Variants in CMC2 observed in about 807,000 individuals in gnomAD.
CMC2 encodes the protein COX assembly mitochondrial protein 2 homolog.
CMC2 carries 5 observed loss-of-function variants against 7.5 expected under a neutral mutation model. The observed-to-expected ratio is 0.66, with a 90% CI of 0.35 to 1.40. CMC2 has a LOEUF of 1.40. Among genes scored for constraint, CMC2 ranks in the 40% most tolerant of loss-of-function variants. The probability of loss-of-function intolerance (pLI) is 0.04; values close to 1 mark genes in which losing one functional copy is unlikely to be tolerated. For synonymous variants in CMC2, 37 were observed against 31.4 expected (o/e 1.18, Z -0.60); for missense variants, 115 against 92.3 (o/e 1.25, Z -1.01).
chr16:80,990,533 A>T (rs1414364147), intron 2 of CMC2, among the ~76,000 whole-genome samples: 1 of 152,116 alleles, frequency 6.6e-6, no homozygotes, highest in Non-Finnish European at 1.5e-5. Flanking sequence ...ACCTCTCAGA[A>T]CGTAATCAAT....
rs1911871667 is a variant in CMC2 at position 80,970,961 on chromosome 16, C to G, written c.*5132G>C. The G allele has an allele frequency of 1.3e-5, 2 of 151,994 alleles. No homozygotes were observed. Among genetic ancestry groups the G allele is most frequent in the African/African-American group, 4.8e-5 (2 of 41,386 alleles). 9.4% of individuals were successfully genotyped at this position (151,994 alleles called of 1,614,324 possible). On this transcript the variant is annotated 3_prime_UTR_variant, in exon 4 of 4. Coordinates refer to ENST00000219400, the MANE Select transcript of CMC2 (RefSeq NM_020188.5). ...TTTCCAGCCTGGACATGGTGAAACC[C>G]TATCTCTACTAAAAAATACAAAAAT...
chr16:80,988,266 T>C (rs1032191526), intron 2 of CMC2, among the ~76,000 whole-genome samples: 1 of 152,186 alleles, frequency 6.6e-6, no homozygotes, highest in African/African-American at 2.4e-5. Flanking sequence ...GGTGGTGGTG[T>C]TGCTGTTGAG....
intron 3 of CMC2, chr16:80,978,349 A>C (rs1421578203): frequency 7.9e-7 from 1 of 1,266,622 alleles, no homozygotes. Context: ...ATAAGTTACA[A>C]AGCAAATTAA....
intron 1 of CMC2, among the ~76,000 whole-genome samples, chr16:81,000,923 T>C (rs1359605052): frequency 6.6e-6 from 1 of 152,168 alleles, no homozygotes; most frequent in Non-Finnish European, 1.5e-5. Context: ...CTATTCACAA[T>C]AGCAAAGATA....
chr16:80,997,433 T>G lies in CMC2; in HGVS notation c.-35-4A>C. 2 of 1,490,496 alleles carry G rather than the reference T, an allele frequency of 1.3e-6. No homozygotes were observed. The highest frequency in any genetic ancestry group is 1.9e-6 in the Non-Finnish European group (2 of 1,068,094). 92.3% of individuals were successfully genotyped at this position (1,490,496 alleles called of 1,614,324 possible). A position where few individuals can be genotyped will look rare whatever the true frequency, so the allele number is the denominator to read the frequency against. On this transcript the variant is annotated splice_polypyrimidine_tract_variant and splice_region_variant and intron_variant, in intron 1 of 3. Transcript: ENST00000219400. ...GGATGGATCACAGCAGTGCAACCTGTGGATACAAGAGTGTCTTGAATATGC... is the reference window on the plus strand; with the variant it reads ...GGATGGATCACAGCAGTGCAACCTGGGGATACAAGAGTGTCTTGAATATGC...
Position 80,991,836 on chromosome 16 carries a change from C to T in CMC2, c.81+5478G>A, listed in dbSNP as rs1968017904. On this transcript the variant is annotated intron_variant, in intron 2 of 3. Transcript: ENST00000219400. ...CAAATTCAAACAGAGGAGCATTCTA[C>T]CAAATACCTGGCCATTATGCCTCAA... The T allele has an allele frequency of 7.1e-6, 3 of 425,044 alleles. No homozygotes were observed. In the Admixed American group the frequency reaches 8.0e-5, roughly 11 times the overall value. 26.3% of individuals were successfully genotyped at this position (425,044 alleles called of 1,614,324 possible).
chr16:80,998,522 C>T (rs972019161), intron 1 of CMC2: 1 of 152,140 alleles, frequency 6.6e-6, no homozygotes, highest in Non-Finnish European at 1.5e-5. Context: ...AATTCCACTT[C>T]CGGCTATATT....
intron 1 of CMC2, among the ~76,000 whole-genome samples, chr16:81,004,696 GGTAGGGTACTCTTA>G (rs1171278924): frequency 6.6e-6 from 1 of 152,182 alleles, no homozygotes; most frequent in Non-Finnish European, 1.5e-5. Flanking sequence ...GGGTAGAAGC[GGTAGGGTACTCTTA>G]GTGAAGATAT....
Position 81,006,793 on chromosome 16 carries a change from C to G in CMC2, c.-95G>C. 2 of 985,654 alleles carry G rather than the reference C, an allele frequency of 2.0e-6. No homozygotes were observed. Among genetic ancestry groups the G allele is most frequent in the Non-Finnish European group, 2.4e-6 (2 of 830,114 alleles). The allele number at this position is 985,654 out of a possible 1,614,324, so 61.1% of individuals were successfully genotyped here. A position where few individuals can be genotyped will look rare whatever the true frequency, so the allele number is the denominator to read the frequency against. On this transcript the variant is annotated 5_prime_UTR_variant, in exon 1 of 4. Coordinates refer to ENST00000219400, the MANE Select transcript of CMC2 (RefSeq NM_020188.5). ...CAGTAGCCGGCGGAGACGCCCGACCCGAAGGCCGGCTGCTAGGGAGCAGAC... is the reference window on the plus strand; with the variant it reads ...CAGTAGCCGGCGGAGACGCCCGACCGGAAGGCCGGCTGCTAGGGAGCAGAC...
intron 2 of CMC2, among the ~76,000 whole-genome samples, chr16:80,986,174 C>T (rs1021446385): frequency 6.6e-6 from 1 of 152,104 alleles, no homozygotes; most frequent in Non-Finnish European, 1.5e-5. Flanking sequence ...CATGGTGAAA[C>T]CCCATCTCTA....
At position 80,974,697 on chromosome 16, in the gene CMC2, G is replaced by C. The variant is rs1912153537; in HGVS notation, c.*1396C>G. 1 of 152,168 alleles carries C rather than the reference G, an allele frequency of 6.6e-6. No individual in the cohort carries two copies. The highest frequency in any genetic ancestry group is 2.4e-5 in the African/African-American group (1 of 41,438). The allele number at this position is 152,168 out of a possible 1,614,324, so 9.4% of individuals were successfully genotyped here. Reference sequence around the variant, plus strand: ...AATCATGGCACTTTGATGATTACAGGTGACTAAAAGTCAACTTTTCAGTTA... The same window carrying C: ...AATCATGGCACTTTGATGATTACAGCTGACTAAAAGTCAACTTTTCAGTTA... On this transcript the variant is annotated 3_prime_UTR_variant, in exon 4 of 4. Transcript: ENST00000219400.
intron 3 of CMC2, among the ~76,000 whole-genome samples, chr16:80,977,264 A>C (rs1912504832): frequency 6.6e-6 from 1 of 152,202 alleles, no homozygotes; most frequent in African/African-American, 2.4e-5. Context: ...TCTGGCCAGC[A>C]GGTTACAACA....
intron 2 of CMC2, chr16:80,992,001 A>G: frequency 4.4e-6 from 2 of 452,920 alleles, no homozygotes; most frequent in Non-Finnish European, 8.9e-6. Context: ...ACCTGAAGCA[A>G]TCTGAGTAAG....
intron 3 of CMC2, among the ~76,000 whole-genome samples, chr16:80,977,606 G>C (rs971123935): frequency 6.6e-6 from 1 of 152,190 alleles, no homozygotes. Flanking sequence ...AGAGAGTAAT[G>C]AGGGGATTCA....
chr16:80,975,549 G>C lies in CMC2; in HGVS notation c.*544C>G, dbSNP rs1292606649. 6.6e-6 allele frequency: 1 copy of C among 152,266 alleles called. No homozygotes were observed. The highest frequency in any genetic ancestry group is 2.4e-5 in the African/African-American group (1 of 41,444). 9.4% of individuals were successfully genotyped at this position (152,266 alleles called of 1,614,324 possible). ...GAATCACTTGAATCCGGGAGGTGGA[G>C]GTTACAGTAAGCTGAGATCGCACCA... On this transcript the variant is annotated 3_prime_UTR_variant, in exon 4 of 4. Transcript: ENST00000219400.
At chr16:80,980,805 G>T in intron 3 of CMC2, 1 of 699,494 alleles carries the variant, frequency 1.4e-6, no homozygotes, top group Non-Finnish European at 2.6e-6. Flanking sequence ...TGAGGTGGGA[G>T]GATCACTTGA....
At position 80,969,034 on chromosome 16, in the gene CMC2, T is replaced by C. The variant is rs1205226154; in HGVS notation, c.*7059A>G. ...AAGAGTAAGGCCAGTGTGACTCACC[T>C]TGGGCTCTGAGCAGAAAAAATATGT... is the stretch of plus-strand genomic sequence containing the variant. On this transcript the variant is annotated 3_prime_UTR_variant, in exon 4 of 4. Coordinates refer to ENST00000219400, the MANE Select transcript of CMC2 (RefSeq NM_020188.5). The C allele has an allele frequency of 1.3e-5, 2 of 152,218 alleles. No individual in the cohort carries two copies. The highest frequency in any genetic ancestry group is 2.4e-5 in the African/African-American group (1 of 41,458). 9.4% of individuals were successfully genotyped at this position (152,218 alleles called of 1,614,324 possible). A position where few individuals can be genotyped will look rare whatever the true frequency, so the allele number is the denominator to read the frequency against.
chr16:80,994,940 G>C (rs1827029256), intron 2 of CMC2, among the ~76,000 whole-genome samples: 2 of 152,134 alleles, frequency 1.3e-5, no homozygotes, highest in Non-Finnish European at 2.9e-5. Flanking sequence ...GAGATCAGGA[G>C]TTCGAGACCA....
chr16:81,003,996 G>A (rs1969047880), intron 1 of CMC2, among the ~76,000 whole-genome samples: 2 of 152,244 alleles, frequency 1.3e-5, no homozygotes, highest in African/African-American at 2.4e-5. Flanking sequence ...GCCGAGGTGG[G>A]CAGATCACTT....
Sources: gnomAD v4.1 joint callset for allele counts (sites outside exome capture counted in the v4.1 genomes callset) on GRCh38, gnomAD v4.1.1 for gene constraint, MANE v1.5 for transcripts, NCBI Gene and HGNC (gene_info 2026-07-23, HGNC 2026-07-21) for gene names.